The following IQCM variants were observed in gnomAD, a reference collection of about 807,000 sequenced individuals.
IQCM encodes IQ domain-containing protein M.
Under a neutral mutation model 57.6 loss-of-function variants are expected in IQCM, and 45 were observed. The ratio of observed to expected loss-of-function variants is 0.78; its 90% CI spans 0.62 to 1.00. IQCM has a LOEUF of 1.00. Among genes scored for constraint, IQCM ranks in the 50% least tolerant of loss-of-function variants. The probability of loss-of-function intolerance (pLI) is 0.00; values close to 1 mark genes in which losing one functional copy is unlikely to be tolerated. For missense variants in IQCM, 468 were observed against 511.6 expected, an observed-to-expected ratio of 0.91 and a Z score of 0.82; for synonymous variants, 148 against 158.9, an observed-to-expected ratio of 0.93 and a Z score of 0.51.
intron 7 of IQCM, among the ~76,000 whole-genome samples, chr4:149,649,883 T>C (rs1245879515): frequency 1.3e-5 from 2 of 152,182 alleles, no homozygotes; most frequent in Non-Finnish European, 2.9e-5. Flanking sequence ...GACACAGTAT[T>C]AAAACAAGGA....
intron 13 of IQCM, among the ~76,000 whole-genome samples, chr4:149,418,336 C>T (rs1406223055): frequency 6.6e-6 from 1 of 152,032 alleles, no homozygotes; most frequent in African/African-American, 2.4e-5. Context: ...GCTAGAAAAT[C>T]TAGAAGAAAT....
In IQCM at chr4:149,605,908, G is replaced by A. The variant is rs1754735715; in HGVS notation, c.681+15221C>T. On this transcript the variant is annotated intron_variant, in intron 8 of 13. Coordinates refer to ENST00000636793, the MANE Select transcript of IQCM (RefSeq NM_001363507.2). The stretch of plus-strand genomic sequence containing the variant: ...CAACTTGAATACCAGCTCAGCCACA[G>A]TAAAATAAAGTACCAGAAAAATTCC... Among the ~76,000 whole-genome samples the A allele has an allele frequency of 1.3e-5, 2 of 152,136 alleles. 1 individual carries two copies. The highest frequency in any genetic ancestry group is 4.1e-4 in the South Asian group (2 of 4,828).
chr4:149,584,048 A>AAATTAAGAAC (rs1389097033), intron 9 of IQCM, among the ~76,000 whole-genome samples: 1 of 151,636 alleles, frequency 6.6e-6, no homozygotes, highest in East Asian at 1.9e-4. Flanking sequence ...TTTAAACTAA[A>AAATTAAGAAC]AATTAAGAAC....
At chr4:149,410,069 A>G (rs1733266221) in intron 13 of IQCM, among the ~76,000 whole-genome samples, 1 of 152,188 alleles carries the variant, frequency 6.6e-6, no homozygotes, top group Admixed American at 6.5e-5. Context: ...CTGTAATCCA[A>G]GCTATTTGGA....
rs543362135 is a variant in IQCM at position 149,476,791 on chromosome 4, T to C, written c.1229-43234A>G. Reference sequence around the variant, plus strand: ...GAGTCAGGTATAGGAAAATGCACACTTGGAGGGTAAACTTGCCCATTCATC... The same window carrying C: ...GAGTCAGGTATAGGAAAATGCACACCTGGAGGGTAAACTTGCCCATTCATC... On this transcript the variant is annotated intron_variant, in intron 12 of 13. Transcript: ENST00000636793. Among the ~76,000 whole-genome samples the C allele has an allele frequency of 4.6e-5, 7 of 152,242 alleles. No individual in the cohort carries two copies. In the East Asian group the frequency reaches 1.4e-3, roughly 29 times the overall value.
At chr4:149,689,015 G>A (rs1762753119) in intron 5 of IQCM, among the ~76,000 whole-genome samples, 1 of 151,974 alleles carries the variant, frequency 6.6e-6, no homozygotes, top group South Asian at 2.1e-4. Flanking sequence ...GATAACAGTG[G>A]AAAAATCCTT....
chr4:149,627,705 T>C (rs1756932590), intron 7 of IQCM, among the ~76,000 whole-genome samples: 1 of 152,166 alleles, frequency 6.6e-6, no homozygotes, highest in Non-Finnish European at 1.5e-5. Context: ...AAGAGACCCA[T>C]GTCCTAATCC....
chr4:149,409,098 A>G (rs1733189767), intron 13 of IQCM, among the ~76,000 whole-genome samples: 1 of 152,208 alleles, frequency 6.6e-6, no homozygotes, highest in Non-Finnish European at 1.5e-5. Context: ...GAAAATAAGG[A>G]TGGGCTCCCT....
At chr4:149,569,334 T>C (rs1367281759) in intron 9 of IQCM, among the ~76,000 whole-genome samples, 1 of 152,186 alleles carries the variant, frequency 6.6e-6, no homozygotes, top group African/African-American at 2.4e-5. Flanking sequence ...AAATTATCTG[T>C]CAAGTCGTGA....
At chr4:149,801,332 G>A (rs1773582741) in intron 2 of IQCM, among the ~76,000 whole-genome samples, 1 of 151,886 alleles carries the variant, frequency 6.6e-6, no homozygotes, top group Non-Finnish European at 1.5e-5. Context: ...ACAGTTTGGA[G>A]GTTCCTCAAA....
chr4:149,661,426 T>C (rs1390792151), intron 7 of IQCM, among the ~76,000 whole-genome samples: 4 of 152,148 alleles, frequency 2.6e-5, no homozygotes, highest in Non-Finnish European at 5.9e-5. Context: ...TTGTTGTTGT[T>C]GTGTCCTTGT....
At chr4:149,690,192 A>G (rs1762845979) in intron 5 of IQCM, among the ~76,000 whole-genome samples, 3 of 152,208 alleles carry the variant, frequency 2.0e-5, no homozygotes, top group Admixed American at 2.0e-4. Context: ...GCGGATAAAG[A>G]AACTGGTGTA....
At chr4:149,697,012 C>G (rs753061609) in intron 5 of IQCM, among the ~76,000 whole-genome samples, 2 of 152,132 alleles carry the variant, frequency 1.3e-5, no homozygotes, top group South Asian at 4.1e-4. Flanking sequence ...ATCACTTTCT[C>G]TGGTCCATCC....
chr4:149,708,337 G>C (rs1165650735), intron 5 of IQCM, among the ~76,000 whole-genome samples: 2 of 151,800 alleles, frequency 1.3e-5, no homozygotes, highest in African/African-American at 2.4e-5. Flanking sequence ...AGAAAACAAA[G>C]CTGAAAAGAC....
At chr4:149,712,946 G>C (rs1371846755) in intron 5 of IQCM, among the ~76,000 whole-genome samples, 1 of 152,132 alleles carries the variant, frequency 6.6e-6, no homozygotes, top group Non-Finnish European at 1.5e-5. Flanking sequence ...GCCTTATCAG[G>C]AGAAAATGTC....
At chr4:149,685,948 T>G (rs567624882) in intron 6 of IQCM, among the ~76,000 whole-genome samples, 18 of 151,684 alleles carry the variant, frequency 1.2e-4, no homozygotes, top group Non-Finnish European at 2.5e-4. Context: ...AACTATGTTC[T>G]GTAGAACCAG....
intron 9 of IQCM, among the ~76,000 whole-genome samples, chr4:149,581,307 T>TTGTGTG (rs144585513): frequency 2.0e-5 from 3 of 148,914 alleles, no homozygotes; most frequent in Non-Finnish European, 4.5e-5. Flanking sequence ...ATATATATAC[T>TTGTGTG]TGTGTGTGTG....
chr4:149,356,492 T>G (rs1578772931), intron 13 of IQCM, among the ~76,000 whole-genome samples: 1 of 152,132 alleles, frequency 6.6e-6, no homozygotes, highest in Non-Finnish European at 1.5e-5. Flanking sequence ...CACCATTTAT[T>G]AAATAGGGAA....
At chr4:149,490,170 G>T (rs767470977) in intron 12 of IQCM, among the ~76,000 whole-genome samples, 10 of 151,742 alleles carry the variant, frequency 6.6e-5, no homozygotes, top group Non-Finnish European at 1.5e-4. Flanking sequence ...GTTCTAAAAA[G>T]ACTCAGTTAT....
Sources: gnomAD v4.1 joint callset for allele counts (sites outside exome capture counted in the v4.1 genomes callset) on GRCh38, gnomAD v4.1.1 for gene constraint, MANE v1.5 for transcripts, NCBI Gene and HGNC (gene_info 2026-07-23, HGNC 2026-07-21) for gene names.